Variants in ITGAE observed in about 807,000 individuals in gnomAD.
ITGAE encodes integrin alpha-E.
Under a neutral mutation model 136.5 loss-of-function variants are expected in ITGAE, and 99 were observed. That is an observed-to-expected ratio of 0.73 (90% CI 0.62 to 0.86). ITGAE has a LOEUF of 0.86. Among genes scored for constraint, ITGAE ranks in the 40% least tolerant of loss-of-function variants. The pLI, the probability that ITGAE is intolerant of heterozygous loss-of-function variation, is 0.00. For synonymous variants in ITGAE, 613 were observed against 591.8 expected, an observed-to-expected ratio of 1.04 and a Z score of -0.52; for missense variants, 1,447 against 1,515.3, an observed-to-expected ratio of 0.95 and a Z score of 0.75.
intron 26 of ITGAE, chr17:3,724,100 C>T: frequency 6.3e-7 from 1 of 1,594,344 alleles, no homozygotes; most frequent in African/African-American, 1.4e-5. Context: ...CCAGCATCGG[C>T]GACCCCTCGC....
At chr17:3,760,971 G>T in intron 6 of ITGAE, 42 bp downstream of exon 6, 1 of 1,571,728 alleles carries the variant, frequency 6.4e-7, no homozygotes, top group Non-Finnish European at 8.6e-7. Context: ...CTAGGAATTG[G>T]CTCTGATAGA....
intron 26 of ITGAE, 51 bp from the exon 27 acceptor site, chr17:3,723,795 T>C: frequency 6.3e-7 from 1 of 1,596,958 alleles, no homozygotes; most frequent in Middle Eastern, 1.7e-4. Context: ...AGCCGCCAGT[T>C]TTCCGTCCCG....
intron 21 of ITGAE, among the ~76,000 whole-genome samples, chr17:3,734,499 G>C (rs2051417979): frequency 6.6e-6 from 1 of 152,202 alleles, no homozygotes; most frequent in Non-Finnish European, 1.5e-5. Context: ...CCTTGGGAAT[G>C]GCAGGGCAGA....
At chr17:3,750,220 C>T in intron 16 of ITGAE, 132 bp downstream of exon 16, 2 of 1,319,078 alleles carry the variant, frequency 1.5e-6, no homozygotes, top group Non-Finnish European at 2.1e-6. Context: ...GACGGGCAGA[C>T]TCCAGAGCCT....
intron 1 of ITGAE, among the ~76,000 whole-genome samples, chr17:3,797,645 G>A (rs186494908): frequency 6.6e-6 from 1 of 151,540 alleles, no homozygotes; most frequent in African/African-American, 2.4e-5. Flanking sequence ...ATTTTTAGTA[G>A]AGACGGGGTT....
rs370942208 is a variant in ITGAE at position 3,743,145 on chromosome 17, C to T, written c.2448+344G>A. Among the ~76,000 whole-genome samples the T allele has an allele frequency of 4.6e-5, 7 of 152,366 alleles. No individual in the cohort carries two copies. The East Asian group carries it at 5.8e-4, about 13-fold the overall frequency. ...GCTCCAGTCTAGCTCCCACAAGGAA[C>T]CCCCATCACAGCGTCATCAGAGCCG... On this transcript the variant is annotated intron_variant, in intron 19 of 30. Coordinates refer to ENST00000263087, the MANE Select transcript of ITGAE (RefSeq NM_002208.5).
intron 1 of ITGAE, among the ~76,000 whole-genome samples, chr17:3,795,982 T>G (rs2053070764): frequency 1.7e-5 from 1 of 58,824 alleles, no homozygotes; most frequent in Non-Finnish European, 3.6e-5. Flanking sequence ...TGCATCCGTG[T>G]GTGCATCTGT....
Position 3,757,731 on chromosome 17 carries a change from T to C in ITGAE, c.995A>G (p.Gln332Arg). The C allele has an allele frequency of 6.2e-7, 1 of 1,614,116 alleles. No homozygotes were observed. Among genetic ancestry groups the C allele is most frequent in the East Asian group, 2.2e-5 (1 of 44,880 alleles). The stretch of plus-strand genomic sequence containing the variant: ...CCCAATGGCAAAGCGCTCAACACCC[T>C]GCATTTTGGGGGAGTTGATGACTGT... ...LTTVINSPKMQGVERFAIGVG... is the reference protein window; with the variant it reads ...LTTVINSPKMRGVERFAIGVG... The change falls in exon 9 of 31, where the codon CAG becomes CGG. Residue 332 changes from glutamine (Q) to arginine (R), a missense_variant. By Grantham distance (43) the Gln-to-Arg change is conservative. This residue lies in a region of ITGAE where 310 missense variants were observed against 416.1 expected (regional missense o/e 0.74). Coordinates refer to ENST00000263087, the MANE Select transcript of ITGAE (RefSeq NM_002208.5).
At chr17:3,714,974 G>A in intron 30 of ITGAE, 32 bp from the exon 31 acceptor site, 1 of 1,309,166 alleles carries the variant, frequency 7.6e-7, no homozygotes, top group Non-Finnish European at 1.1e-6. Context: ...TCCAGTTACA[G>A]GCCAAAGATA....
intron 2 of ITGAE, among the ~76,000 whole-genome samples, chr17:3,767,279 T>C (rs987458703): frequency 5.3e-5 from 8 of 152,000 alleles, no homozygotes; most frequent in Non-Finnish European, 7.4e-5. Flanking sequence ...GTATTTTTAG[T>C]ACAGATGGGG....
chr17:3,777,062 G>A (rs918479878), intron 2 of ITGAE, among the ~76,000 whole-genome samples: 11 of 151,066 alleles, frequency 7.3e-5, no homozygotes, highest in South Asian at 4.2e-4. Context: ...CCGGGTTCAC[G>A]CCATTCTCCT....
At chr17:3,780,661 G>A (rs1452305836) in intron 1 of ITGAE, among the ~76,000 whole-genome samples, 5 of 151,858 alleles carry the variant, frequency 3.3e-5, no homozygotes, top group African/African-American at 7.3e-5. Flanking sequence ...TCGAACTCCC[G>A]ACTTCAGATG....
At chr17:3,744,500 G>A (rs1406430419) in intron 18 of ITGAE, among the ~76,000 whole-genome samples, 2 of 148,198 alleles carry the variant, frequency 1.3e-5, no homozygotes, top group African/African-American at 5.0e-5. Flanking sequence ...AGGCTGGAGT[G>A]CAGTGGCTCG....
At chr17:3,719,777 G>A (rs1292644292) in intron 29 of ITGAE, among the ~76,000 whole-genome samples, 2 of 151,304 alleles carry the variant, frequency 1.3e-5, no homozygotes, top group African/African-American at 2.5e-5. Context: ...ACTGAGGCTG[G>A]AGTGGAGTGG....
intron 1 of ITGAE, among the ~76,000 whole-genome samples, chr17:3,781,381 G>C (rs892738800): frequency 1.4e-5 from 2 of 145,684 alleles, no homozygotes; most frequent in Non-Finnish European, 3.0e-5. Context: ...ATAAAGTCTC[G>C]CTGAGCCGCC....
intron 1 of ITGAE, among the ~76,000 whole-genome samples, chr17:3,795,391 TG>T: frequency 6.6e-6 from 1 of 152,288 alleles, no homozygotes; most frequent in South Asian, 2.1e-4. Context: ...ACCCCACCCC[TG>T]TGTTCACTTT....
Position 3,753,897 on chromosome 17 carries a change from G to A in ITGAE, c.1413C>T (p.Thr471=). 1 of 1,614,138 alleles carries A rather than the reference G, an allele frequency of 6.2e-7. No individual in the cohort carries two copies. The highest frequency in any genetic ancestry group is 1.1e-5 in the South Asian group (1 of 91,092). ...CCCCCGCGATGTAGGAGAGGCTGCAGGTCTTGTGCAGCACGGCCACAGCGT... is the reference window on the plus strand; with the variant it reads ...CCCCCGCGATGTAGGAGAGGCTGCAAGTCTTGTGCAGCACGGCCACAGCGT... ...LGYAVAVLHK[T]CSLSYIAGAP... Residue 471 remains threonine (T), a synonymous_variant, in exon 13 of 31, where the codon ACC becomes ACT. Transcript: ENST00000263087.
At chr17:3,727,507 C>T (rs1489372718) in intron 26 of ITGAE, among the ~76,000 whole-genome samples, 1 of 151,684 alleles carries the variant, frequency 6.6e-6, no homozygotes, top group African/African-American at 2.4e-5. Context: ...TCACACCATT[C>T]TCCTGCCTCA....
At chr17:3,725,017 A>G (rs1567512651) in intron 26 of ITGAE, 1 of 1,614,094 alleles carries the variant, frequency 6.2e-7, no homozygotes, top group East Asian at 2.2e-5. Context: ...AAGGGCCAAA[A>G]GCTGGGAAAA....
Sources: allele counts gnomAD v4.1 joint callset (sites outside exome capture counted in the v4.1 genomes callset), GRCh38; gene constraint gnomAD v4.1.1; regional missense constraint gnomAD v4.1.1; transcripts MANE v1.5; gene names NCBI Gene and HGNC (gene_info 2026-07-23, HGNC 2026-07-21).